LRIF1: variants seen among roughly 807,000 people sequenced by gnomAD.
LRIF1 encodes ligand-dependent nuclear receptor-interacting factor 1.
LRIF1 carries 32 observed loss-of-function variants against 52.7 expected under a neutral mutation model. The observed-to-expected ratio is 0.61, with a 90% CI of 0.46 to 0.82. The LOEUF (loss-of-function observed/expected upper bound fraction) is 0.82, where lower values mean the gene tolerates loss of function less well. Among genes scored for constraint, LRIF1 ranks in the 40% least tolerant of loss-of-function variants. The probability of loss-of-function intolerance (pLI) is 0.00; values close to 1 mark genes in which losing one functional copy is unlikely to be tolerated. For synonymous variants in LRIF1, 323 were observed against 317.4 expected (o/e 1.02, Z -0.19); for missense variants, 887 against 892.0 (o/e 0.99, Z 0.07).
At chr1:110,955,330 C>T (rs1055001397) in intron 1 of LRIF1, among the ~76,000 whole-genome samples, 2 of 152,302 alleles carry the variant, frequency 1.3e-5, no homozygotes, top group African/African-American at 2.4e-5. Flanking sequence ...TACCACTCTA[C>T]TCCAAGCAAA....
the LRIF1 span, among the ~76,000 whole-genome samples, chr1:110,886,677 T>C: frequency 2.0e-5 from 3 of 151,854 alleles, no homozygotes; most frequent in South Asian, 4.2e-4. Context: ...GGTGAAACCC[T>C]GTCTCTACTA....
chr1:110,927,900 A>AGG, the LRIF1 span, among the ~76,000 whole-genome samples: 1 of 152,328 alleles, frequency 6.6e-6, no homozygotes, highest in East Asian at 1.9e-4. Context: ...TAAAAAGAAA[A>AGG]GGTGAGTATC....
chr1:110,956,601 T>C (rs1046813418), intron 1 of LRIF1, among the ~76,000 whole-genome samples: 3 of 152,234 alleles, frequency 2.0e-5, no homozygotes, highest in Non-Finnish European at 2.9e-5. Flanking sequence ...AACAGTTTCG[T>C]AGATGCAGCA....
chr1:110,887,435 C>T, the LRIF1 span, among the ~76,000 whole-genome samples: 698 of 152,278 alleles, frequency 4.6e-3, 4 homozygotes, highest in Middle Eastern at 0.01. Context: ...TTTCATCTAT[C>T]GCCATATTAT....
the LRIF1 span, chr1:110,897,748 A>G: frequency 9.9e-7 from 1 of 1,009,476 alleles, no homozygotes; most frequent in East Asian, 2.4e-5. Flanking sequence ...TCTTCCAAAT[A>G]CTTCCTCTTG....
intron 1 of LRIF1, among the ~76,000 whole-genome samples, chr1:110,959,144 T>G (rs1658842893): frequency 6.6e-6 from 1 of 152,152 alleles, no homozygotes; most frequent in Non-Finnish European, 1.5e-5. Flanking sequence ...TTTAAAGTAA[T>G]TACTTTAAAC....
the LRIF1 span, among the ~76,000 whole-genome samples, chr1:110,915,735 C>G: frequency 6.6e-6 from 1 of 152,090 alleles, no homozygotes. Context: ...ATACACAAGG[C>G]CAGTGTTTCT....
the LRIF1 span, among the ~76,000 whole-genome samples, chr1:110,881,727 A>C: frequency 1.3e-5 from 2 of 152,210 alleles, no homozygotes; most frequent in Non-Finnish European, 2.9e-5. Flanking sequence ...TCCCACCAAC[A>C]GTGTATAAGA....
chr1:110,943,097 G>GAAGA (rs1198475771), downstream of LRIF1, among the ~76,000 whole-genome samples: 1 of 152,128 alleles, frequency 6.6e-6, no homozygotes, highest in Non-Finnish European at 1.5e-5. Context: ...GAAGCAGAGT[G>GAAGA]AAGAACAAAT....
At chr1:110,894,984 C>A in the LRIF1 span, 1 of 1,613,964 alleles carries the variant, frequency 6.2e-7, no homozygotes, top group South Asian at 1.1e-5. Flanking sequence ...GGCTAAGGGT[C>A]TGACCGACAG....
At chr1:110,958,897 G>C (rs2101121132) in intron 1 of LRIF1, among the ~76,000 whole-genome samples, 1 of 152,296 alleles carries the variant, frequency 6.6e-6, no homozygotes, top group South Asian at 2.1e-4. Context: ...AAAATGTAAT[G>C]AGTTCTAAAA....
the LRIF1 span, among the ~76,000 whole-genome samples, chr1:110,912,191 C>CT: frequency 1.3e-5 from 2 of 151,900 alleles, no homozygotes; most frequent in Non-Finnish European, 2.9e-5. Context: ...AGTAGCATTT[C>CT]TTTTTTTTCT....
chr1:110,909,616 T>C, the LRIF1 span, among the ~76,000 whole-genome samples: 2 of 146,148 alleles, frequency 1.4e-5, no homozygotes, highest in Admixed American at 1.4e-4. Context: ...GTTTCGCTCT[T>C]GTTGCCCAGG....
At chr1:110,902,495 T>TAAAAAAAAAAAAAAAAAAAAAAAAAAA in the LRIF1 span, among the ~76,000 whole-genome samples, 6 of 72,660 alleles carry the variant, frequency 8.3e-5, no homozygotes, top group Admixed American at 2.7e-4. Flanking sequence ...AATCAATCAC[T>TAAAAAAAAAAAAAAAAAAAAAAAAAAA]AAAAAAAAAA....
chr1:110,888,191 A>G, the LRIF1 span, among the ~76,000 whole-genome samples: 1 of 152,354 alleles, frequency 6.6e-6, no homozygotes, highest in South Asian at 2.1e-4. Flanking sequence ...TCTGACCTTC[A>G]GAACTGTAAA....
the LRIF1 span, among the ~76,000 whole-genome samples, chr1:110,889,404 C>G: frequency 1.3e-5 from 2 of 151,638 alleles, no homozygotes; most frequent in African/African-American, 4.8e-5. Flanking sequence ...AAAAAAAATA[C>G]AAAAATTAGC....
chr1:110,921,579 C>A, the LRIF1 span, among the ~76,000 whole-genome samples: 1 of 151,960 alleles, frequency 6.6e-6, no homozygotes, highest in Non-Finnish European at 1.5e-5. Context: ...AAGTGAAAGA[C>A]CACTTCAAGT....
chr1:110,956,524 C>T (rs976807540), intron 1 of LRIF1, among the ~76,000 whole-genome samples: 2 of 152,146 alleles, frequency 1.3e-5, no homozygotes, highest in African/African-American at 4.8e-5. Flanking sequence ...TTAACAGTTA[C>T]AGTAGGAACA....
downstream of LRIF1, chr1:110,943,897 A>G (rs1010986434): frequency 6.6e-6 from 1 of 152,224 alleles, no homozygotes; most frequent in African/African-American, 2.4e-5. Flanking sequence ...AGAGGGCTAC[A>G]ATAGCATATT....
Sources: allele counts gnomAD v4.1 joint callset (sites outside exome capture counted in the v4.1 genomes callset), GRCh38; gene constraint gnomAD v4.1.1; transcripts MANE v1.5; gene names NCBI Gene and HGNC (gene_info 2026-07-23, HGNC 2026-07-21).